Variants in RELL1 observed in about 807,000 individuals in gnomAD.
The protein encoded by RELL1 is RELT-like protein 1.
A neutral mutation model predicts 23.0 loss-of-function variants in RELL1; 10 were observed. The observed-to-expected ratio is 0.43, with a 90% CI of 0.27 to 0.74. RELL1 has a LOEUF of 0.74. RELL1 is among the 30% of genes least tolerant of loss of function. The pLI is 0.19. For missense variants in RELL1, 315 were observed against 364.4 expected (o/e 0.86, Z 1.10); for synonymous variants, 146 against 146.8 (o/e 0.99, Z 0.04).
At chr4:37,683,532 G>A (rs1273953924) in intron 1 of RELL1, among the ~76,000 whole-genome samples, 1 of 152,016 alleles carries the variant, frequency 6.6e-6, no homozygotes, top group Admixed American at 6.6e-5. Context: ...CGAGAAGGGC[G>A]GATCACTTGA....
rs199978732 is a variant in RELL1, at chr4:37,661,181, T to C, written c.89-11681A>G. 1.2e-4 allele frequency among the ~76,000 whole-genome samples: 19 copies of C among 152,294 alleles called. No individual in the cohort carries two copies. In the East Asian group the frequency reaches 2.9e-3, roughly 23 times the overall value. Reference sequence around the variant, plus strand: ...ACTAGTCCACCTAGTAGCCTCTCAGTCCTACTTTGGTAGAGCTAGGACCTA... The same window carrying C: ...ACTAGTCCACCTAGTAGCCTCTCAGCCCTACTTTGGTAGAGCTAGGACCTA... On this transcript the variant is annotated intron_variant, in intron 1 of 6. Coordinates refer to ENST00000454158, the MANE Select transcript of RELL1 (RefSeq NM_001085400.2).
At chr4:37,604,872 CA>C (rs1560323878) in intron 6 of RELL1, among the ~76,000 whole-genome samples, 1 of 107,500 alleles carries the variant, frequency 9.3e-6, no homozygotes, top group East Asian at 4.2e-4. Context: ...CACAGACACA[CA>C]CACACATACA....
chr4:37,673,843 G>C (rs1721927643), intron 1 of RELL1, among the ~76,000 whole-genome samples: 1 of 152,202 alleles, frequency 6.6e-6, no homozygotes. Flanking sequence ...GTAAAGTGCA[G>C]TTTCAGGGGC....
At chr4:37,603,818 G>GTTTGT (rs1560323123) in intron 6 of RELL1, among the ~76,000 whole-genome samples, 8 of 151,608 alleles carry the variant, frequency 5.3e-5, no homozygotes, top group African/African-American at 1.9e-4. Context: ...TTTTGTTGTT[G>GTTTGT]TTGTTTGTTT....
At chr4:37,590,411 A>T (rs1718540719), downstream of RELL1, 1 of 1,613,514 alleles carries the variant, frequency 6.2e-7, no homozygotes, top group African/African-American at 1.3e-5. Flanking sequence ...ACCCAGGATG[A>T]CAGGGGCTCC....
At chr4:37,648,281 T>A (rs1459450082) in intron 2 of RELL1, among the ~76,000 whole-genome samples, 1 of 152,232 alleles carries the variant, frequency 6.6e-6, no homozygotes, top group African/African-American at 2.4e-5. Flanking sequence ...GACAAACACT[T>A]GGCTTTGGTT....
At chr4:37,625,710 TAATAAC>T (rs1450008043) in intron 6 of RELL1, among the ~76,000 whole-genome samples, 14 of 152,308 alleles carry the variant, frequency 9.2e-5, no homozygotes, top group African/African-American at 3.4e-4. Flanking sequence ...TGGCTACAGT[TAATAAC>T]AATGTATTGT....
intron 1 of RELL1, among the ~76,000 whole-genome samples, chr4:37,669,347 C>A (rs1721710386): frequency 7.0e-6 from 1 of 143,394 alleles, no homozygotes. Context: ...GCCGCTCCCT[C>A]CGGGAGGGAG....
chr4:37,626,630 T>C (rs1353490417), intron 6 of RELL1, among the ~76,000 whole-genome samples: 1 of 152,194 alleles, frequency 6.6e-6, no homozygotes, highest in Non-Finnish European at 1.5e-5. Context: ...AGATATGGAA[T>C]CTTCCTAAGA....
chr4:37,607,360 TG>T (rs1441313988), downstream of RELL1, among the ~76,000 whole-genome samples: 2 of 152,236 alleles, frequency 1.3e-5, no homozygotes, highest in African/African-American at 4.8e-5. Context: ...AGGGTTTACA[TG>T]AACTCTGTAC....
At chr4:37,655,013 G>A (rs542625803) in intron 1 of RELL1, among the ~76,000 whole-genome samples, 65 of 152,210 alleles carry the variant, frequency 4.3e-4, no homozygotes, top group African/African-American at 1.5e-3. Context: ...GTACCAAGAT[G>A]GTAGACACTT....
rs541606831 is a variant in RELL1, at chr4:37,639,101, T to C, written c.386-597A>G. 7.9e-5 allele frequency among the ~76,000 whole-genome samples: 12 copies of C among 152,222 alleles called. No individual in the cohort carries two copies. In the East Asian group the frequency reaches 2.1e-3, roughly 27 times the overall value. ...GCCAGATATCTTAAAATTTCAAGTA[T>C]TGGCCAGGCGCTGTGGCTCACGCCT... On this transcript the variant is annotated intron_variant, in intron 3 of 6. Transcript: ENST00000454158.
Position 37,612,823 on chromosome 4 carries a change from A to G in RELL1, c.*523T>C, listed in dbSNP as rs1296966721. The G allele has an allele frequency of 6.6e-6, 1 of 152,110 alleles. No individual in the cohort carries two copies. The highest frequency in any genetic ancestry group is 2.4e-5 in the African/African-American group (1 of 41,402). The allele number at this position is 152,110 out of a possible 1,614,324, so 9.4% of individuals were successfully genotyped here. A position where few individuals can be genotyped will look rare whatever the true frequency, so the allele number is the denominator to read the frequency against. On this transcript the variant is annotated 3_prime_UTR_variant, in exon 7 of 7. Transcript: ENST00000454158. The stretch of plus-strand genomic sequence containing the variant: ...ACTAGATTATTTCCACTGAGCTTTT[A>G]CCACTGAAGATTCATCTTTTATCTT...
intron 1 of RELL1, among the ~76,000 whole-genome samples, chr4:37,657,893 A>T (rs1721182523): frequency 6.6e-6 from 1 of 152,082 alleles, no homozygotes; most frequent in South Asian, 2.1e-4. Flanking sequence ...AGGGTGGGTC[A>T]GCCTGGGGGA....
Position 37,649,475 on chromosome 4 carries a change from G to A in RELL1, c.114C>T (p.His38=). 1 of 1,613,916 alleles carries A rather than the reference G, an allele frequency of 6.2e-7. No homozygotes were observed. ...GCGACGGGGTCGTCTCTGTTCTGGA[G>A]TGCAATGTGCGGCTGCTCCCATTGT... ...APDNGSSRTL[H]SRTETTPSPS... is the part of the protein sequence containing the mutation. The change falls in exon 2 of 7, where the codon CAC becomes CAT. Residue 38 remains histidine (H), a synonymous_variant. Coordinates refer to ENST00000454158, the MANE Select transcript of RELL1 (RefSeq NM_001085400.2).
intron 3 of RELL1, among the ~76,000 whole-genome samples, chr4:37,642,327 C>A (rs1423288920): frequency 6.6e-6 from 1 of 152,206 alleles, no homozygotes; most frequent in Non-Finnish European, 1.5e-5. Flanking sequence ...TTTTACTAAG[C>A]AGCCAGTTCA....
chr4:37,640,934 C>A (rs1409152845), intron 3 of RELL1, among the ~76,000 whole-genome samples: 1 of 152,114 alleles, frequency 6.6e-6, no homozygotes, highest in Non-Finnish European at 1.5e-5. Context: ...AAAACAGGGA[C>A]AGCACTATCA....
At chr4:37,678,009 T>C (rs979363357) in intron 1 of RELL1, among the ~76,000 whole-genome samples, 22 of 152,160 alleles carry the variant, frequency 1.4e-4, no homozygotes, top group African/African-American at 4.1e-4. Flanking sequence ...GAGTAATTTA[T>C]TTTTTAAAAA....
chr4:37,631,385 C>G lies in RELL1; in HGVS notation c.*3G>C. ...CAATGTCACCAAAACCACGGCTCAC[C>G]TGCTACTCTGTGCCACTGCGTTCTC... On this transcript the variant is annotated splice_region_variant and 3_prime_UTR_variant, in exon 6 of 7. Transcript: ENST00000454158. 6.2e-7 allele frequency: 1 copy of G among 1,612,886 alleles called. No homozygotes were observed. Among genetic ancestry groups the G allele is most frequent in the South Asian group, 1.1e-5 (1 of 90,712 alleles).
Sources: gnomAD v4.1 joint callset for allele counts (sites outside exome capture counted in the v4.1 genomes callset) on GRCh38, gnomAD v4.1.1 for gene constraint, MANE v1.5 for transcripts, NCBI Gene and HGNC (gene_info 2026-07-23, HGNC 2026-07-21) for gene names.